The following UMAD1 variants were observed in gnomAD, a reference collection of about 807,000 sequenced individuals.
The protein encoded by UMAD1 is UBAP1-MVB12-associated (UMA)-domain containing protein 1.
UMAD1 carries 8 observed loss-of-function variants against 6.1 expected under a neutral mutation model. That is an observed-to-expected ratio of 1.30 (90% CI 0.76 to 2.35). The LOEUF (loss-of-function observed/expected upper bound fraction) is 2.35, where lower values mean the gene tolerates loss of function less well. Ranked by LOEUF, UMAD1 falls within the 30% of genes most tolerant of loss-of-function variation. The pLI is 0.00. For missense variants in UMAD1, 130 were observed against 78.4 expected, an observed-to-expected ratio of 1.66 and a Z score of -2.49; for synonymous variants, 56 against 31.4, an observed-to-expected ratio of 1.78 and a Z score of -2.61.
chr7:7,860,961 A>T (rs1784105967), intron 3 of UMAD1, among the ~76,000 whole-genome samples: 1 of 152,170 alleles, frequency 6.6e-6, no homozygotes, highest in African/African-American at 2.4e-5. Context: ...ACATATATGG[A>T]CCTTGAAAAC....
At chr7:7,709,420 A>T (rs1029983401) in intron 2 of UMAD1, among the ~76,000 whole-genome samples, 53 of 152,322 alleles carry the variant, frequency 3.5e-4, no homozygotes, top group African/African-American at 1.2e-3. Context: ...GAGAGGTCAG[A>T]TGTTGGTGTT....
intron 3 of UMAD1, among the ~76,000 whole-genome samples, chr7:7,802,376 CAAA>C (rs56327681): frequency 4.7e-5 from 2 of 42,444 alleles, no homozygotes; most frequent in Non-Finnish European, 6.2e-5. Flanking sequence ...GACTCCGTCT[CAAA>C]AAAAAAAAAA....
At chr7:7,845,262 C>T (rs1783761618) in intron 3 of UMAD1, among the ~76,000 whole-genome samples, 2 of 151,894 alleles carry the variant, frequency 1.3e-5, no homozygotes, top group African/African-American at 4.8e-5. Flanking sequence ...TTAATTTTAG[C>T]TATTTCCTTT....
In UMAD1 at chr7:7,797,172, A is replaced by G. The variant is rs533009677; in HGVS notation, c.83-4498A>G. 4.6e-5 allele frequency among the ~76,000 whole-genome samples: 7 copies of G among 152,284 alleles called. No individual in the cohort carries two copies. In the East Asian group the frequency reaches 1.2e-3, roughly 25 times the overall value. On this transcript the variant is annotated intron_variant, in intron 2 of 3. Transcript: ENST00000682710. The stretch of plus-strand genomic sequence containing the variant: ...GGAAACCAGCATGTCACATGGCAAG[A>G]GTGGAAGCAAGAGAAATGCCAGACT...
At chr7:7,754,511 C>T (rs748409930) in intron 2 of UMAD1, among the ~76,000 whole-genome samples, 17 of 152,040 alleles carry the variant, frequency 1.1e-4, no homozygotes, top group African/African-American at 2.9e-4. Context: ...TTATTAATCC[C>T]GCATCAAATG....
At chr7:7,741,074 A>T (rs1023690337) in intron 2 of UMAD1, 18 of 152,154 alleles carry the variant, frequency 1.2e-4, no homozygotes, top group African/African-American at 4.1e-4. Context: ...CATTCCATTT[A>T]TTTGACAAAA....
intron 1 of UMAD1, among the ~76,000 whole-genome samples, chr7:7,649,891 G>A (rs76468190): frequency 0.011 from 1,632 of 152,290 alleles, 30 homozygotes; most frequent in African/African-American, 0.036. Flanking sequence ...TCAACCATAT[G>A]AAATTATAGT....
chr7:7,818,840 T>G (rs1289123439), intron 3 of UMAD1, among the ~76,000 whole-genome samples: 2 of 152,162 alleles, frequency 1.3e-5, no homozygotes, highest in Admixed American at 1.3e-4. Flanking sequence ...TTTTGCTATG[T>G]TGCCCATAGT....
chr7:7,673,536 A>G (rs1563108444), intron 2 of UMAD1, 83 bp downstream of exon 2: 3 of 651,784 alleles, frequency 4.6e-6, no homozygotes, highest in Middle Eastern at 5.2e-4. Flanking sequence ...ATTGATTTTA[A>G]ATTATTTCTT....
intron 3 of UMAD1, among the ~76,000 whole-genome samples, chr7:7,860,891 A>G (rs142234482): frequency 6.6e-6 from 1 of 152,340 alleles, no homozygotes; most frequent in East Asian, 1.9e-4. Context: ...AATGTGGCAT[A>G]TACATACAAT....
chr7:7,758,699 T>A (rs1456429262), intron 2 of UMAD1, among the ~76,000 whole-genome samples: 2 of 152,250 alleles, frequency 1.3e-5, no homozygotes, highest in African/African-American at 4.8e-5. Context: ...TTCTGCAATT[T>A]ACCTTCTTAT....
At chr7:7,846,143 C>A (rs1489740958) in intron 3 of UMAD1, among the ~76,000 whole-genome samples, 1 of 152,092 alleles carries the variant, frequency 6.6e-6, no homozygotes, top group East Asian at 1.9e-4. Context: ...CTGTGTCTCA[C>A]CTTCCTATCT....
At chr7:7,654,073 A>T (rs1421462631) in intron 1 of UMAD1, among the ~76,000 whole-genome samples, 1 of 152,188 alleles carries the variant, frequency 6.6e-6, no homozygotes, top group African/African-American at 2.4e-5. Flanking sequence ...AGAAAAAAGC[A>T]GTCATTTCTT....
At chr7:7,739,764 G>A (rs1781427127) in intron 2 of UMAD1, among the ~76,000 whole-genome samples, 1 of 152,154 alleles carries the variant, frequency 6.6e-6, no homozygotes, top group African/African-American at 2.4e-5. Flanking sequence ...TGAGATCTTT[G>A]ATTTTTCACT....
At chr7:7,717,669 A>G (rs1780952560) in intron 2 of UMAD1, among the ~76,000 whole-genome samples, 1 of 152,234 alleles carries the variant, frequency 6.6e-6, no homozygotes, top group Admixed American at 6.5e-5. Flanking sequence ...TGGGGCATCA[A>G]CAGCATGGAG....
At chr7:7,727,408 A>G (rs1363773335) in intron 2 of UMAD1, among the ~76,000 whole-genome samples, 2 of 152,202 alleles carry the variant, frequency 1.3e-5, no homozygotes, top group African/African-American at 4.8e-5. Flanking sequence ...TATGTTAGGC[A>G]TAATTATGAC....
chr7:7,724,355 C>T (rs1781102148), intron 2 of UMAD1, among the ~76,000 whole-genome samples: 1 of 152,166 alleles, frequency 6.6e-6, no homozygotes, highest in African/African-American at 2.4e-5. Context: ...TCCCCAGACT[C>T]ATCCTGTGGT....
At chr7:7,688,397 T>G (rs1489285396) in intron 2 of UMAD1, among the ~76,000 whole-genome samples, 1 of 152,182 alleles carries the variant, frequency 6.6e-6, no homozygotes, top group Non-Finnish European at 1.5e-5. Context: ...AAAGGAAAAC[T>G]TACTTATAAT....
intron 2 of UMAD1, among the ~76,000 whole-genome samples, chr7:7,799,460 A>G (rs1010400652): frequency 5.9e-5 from 9 of 152,160 alleles, no homozygotes; most frequent in Non-Finnish European, 1.2e-4. Flanking sequence ...GTGTAGATAC[A>G]CACCTCGAAA....
Sources: allele counts gnomAD v4.1 joint callset (sites outside exome capture counted in the v4.1 genomes callset), GRCh38; gene constraint gnomAD v4.1.1; transcripts MANE v1.5; gene names NCBI Gene and HGNC (gene_info 2026-07-23, HGNC 2026-07-21).